The following PEX11G variants were observed in gnomAD, a reference collection of about 807,000 sequenced individuals.
PEX11G encodes peroxisomal membrane protein 11C.
In PEX11G, 20 loss-of-function variants were observed where a neutral mutation model predicts 22.5. The observed-to-expected ratio is 0.89, with a 90% CI of 0.62 to 1.29. The LOEUF is 1.29. PEX11G is among the 50% of genes most tolerant of loss of function. PEX11G has a pLI of 0.00. For synonymous variants in PEX11G, 141 were observed against 154.5 expected (o/e 0.91, Z 0.65); for missense variants, 347 against 331.3 (o/e 1.05, Z -0.37).
At chr19:7,480,713 G>A (rs1469192352) in intron 3 of PEX11G, among the ~76,000 whole-genome samples, 2 of 152,028 alleles carry the variant, frequency 1.3e-5, no homozygotes, top group Non-Finnish European at 2.9e-5. Flanking sequence ...TCAGAGCCTC[G>A]ACCAGGGACA....
intron 4 of PEX11G, among the ~76,000 whole-genome samples, chr19:7,478,035 A>G (rs963308991): frequency 6.6e-6 from 1 of 152,238 alleles, no homozygotes; most frequent in South Asian, 2.1e-4. Flanking sequence ...AAACAAAAAG[A>G]AAAAGCAACA....
At chr19:7,492,110 G>A (rs946979615), upstream of PEX11G, among the ~76,000 whole-genome samples, 6 of 152,294 alleles carry the variant, frequency 3.9e-5, no homozygotes, top group East Asian at 1.9e-4. Flanking sequence ...GCCTTTTAGC[G>A]ATCGTGAATA....
At position 7,477,403 on chromosome 19, in the gene PEX11G, C is replaced by T. The variant is rs369857427; in HGVS notation, c.525G>A (p.Glu175=). The T allele has an allele frequency of 6.7e-7, 1 of 1,501,394 alleles. No individual in the cohort carries two copies. Among genetic ancestry groups the T allele is most frequent in the South Asian group, 1.3e-5 (1 of 75,556 alleles). 93.0% of individuals were successfully genotyped at this position (1,501,394 alleles called of 1,614,324 possible). ...ACAGCGCCTCCGACTGCATCTGCGCCTCCATGGCCCTCCGCTTGCCCCGGG... is the reference window on the plus strand; with the variant it reads ...ACAGCGCCTCCGACTGCATCTGCGCTTCCATGGCCCTCCGCTTGCCCCGGG... The part of the protein sequence containing the change: ...PLPRGKRRAM[E]AQMQSEALSL... The change falls in exon 5 of 5, where the codon GAG becomes GAA. Residue 175 remains glutamate (E), a synonymous_variant. Transcript: ENST00000221480.
intron 2 of PEX11G, 69 bp downstream of exon 2, chr19:7,485,769 A>C (rs774573493): frequency 4.6e-5 from 66 of 1,420,296 alleles, no homozygotes; most frequent in Admixed American, 6.7e-5. Context: ...GTGAGGGGCC[A>C]AAAAATTTTT....
rs563610389 is a variant in PEX11G, at chr19:7,477,136, G to A, written c.*66C>T. The stretch of plus-strand genomic sequence containing the variant: ...TGAGAGCCCCGGCCCCTGCCCTGGC[G>A]GCTTCTGCTTTGCGGGAAGGGCCCT... On this transcript the variant is annotated 3_prime_UTR_variant, in exon 5 of 5. Transcript: ENST00000221480. 4.3e-3 allele frequency: 5,757 copies of A among 1,354,572 alleles called. 22 individuals are homozygous for A. Among genetic ancestry groups the A allele is most frequent in the Non-Finnish European group, 5.2e-3 (5,354 of 1,036,764 alleles). The allele number at this position is 1,354,572 out of a possible 1,614,324, so 83.9% of individuals were successfully genotyped here.
rs750791042 is a variant in PEX11G, at chr19:7,488,986, A to T, written c.25T>A (p.Ser9Thr). The change falls in exon 1 of 5, where the codon TCG becomes ACG. Residue 9 changes from serine (S) to threonine (T), a missense_variant. Transcript: ENST00000221480. ...CGGCCCCTGTACGACTCCAGCGCCG[A>T]CGCCAGGCCGCTCAGCGACGCCATG... is the stretch of plus-strand genomic sequence containing the variant. MASLSGLA[S>T]ALESYRGRDR... The T allele has an allele frequency of 2.6e-6, 4 of 1,548,322 alleles. No homozygotes were observed. Among genetic ancestry groups the T allele is most frequent in the Non-Finnish European group, 1.7e-6 (2 of 1,149,752 alleles).
Position 7,477,453 on chromosome 19 carries a change from G to A in PEX11G, c.492-17C>T. The A allele has an allele frequency of 1.4e-6, 2 of 1,415,600 alleles. No individual in the cohort carries two copies. The highest frequency in any genetic ancestry group is 1.8e-6 in the Non-Finnish European group (2 of 1,088,112). 87.7% of individuals were successfully genotyped at this position (1,415,600 alleles called of 1,614,324 possible). On this transcript the variant is annotated splice_polypyrimidine_tract_variant and intron_variant, in intron 4 of 4. Coordinates refer to ENST00000221480, the MANE Select transcript of PEX11G (RefSeq NM_080662.4). ...GGCAGCGGGCTGTGGGGCAGAGAGG[G>A]GCCGCTTACACTCACGCTCACACCT... is the stretch of plus-strand genomic sequence containing the variant.
chr19:7,488,927 G>C (rs777948818), intron 1 of PEX11G, 24 bp downstream of exon 1: 1 of 1,548,144 alleles, frequency 6.5e-7, no homozygotes, highest in Non-Finnish European at 8.7e-7. Context: ...TAGGACCTCC[G>C]GCCCCGGTCC....
In PEX11G at chr19:7,477,231, C is replaced by T. The variant is rs749552660; in HGVS notation, c.697G>A (p.Gly233Ser). The T allele has an allele frequency of 6.3e-5, 96 of 1,533,806 alleles. 1 individual carries two copies. Among genetic ancestry groups the T allele is most frequent in the South Asian group, 3.8e-4 (30 of 79,812 alleles). ...ILSMYQAARA[G>S]GQAEATTP ...GGGGTAGTGGCCTCGGCCTGGCCGCCGGCCCGGGCCGCCTGGTACATGCTG... is the reference window on the plus strand; with the variant it reads ...GGGGTAGTGGCCTCGGCCTGGCCGCTGGCCCGGGCCGCCTGGTACATGCTG... Residue 233 changes from glycine (G) to serine (S), a missense_variant, in exon 5 of 5, where the codon GGC (glycine) becomes AGC (serine). Transcript: ENST00000221480.
chr19:7,478,296 G>C lies in PEX11G; in HGVS notation c.491+18C>G. On this transcript the variant is annotated intron_variant, in intron 4 of 4. Transcript: ENST00000221480. The stretch of plus-strand genomic sequence containing the variant: ...TGGAGGGAGTGGGCCTCCCTGCTGG[G>C]TGATCACGGGCTCCTACCTGGTGAA... The C allele has an allele frequency of 6.2e-7, 1 of 1,608,538 alleles. No homozygotes were observed.
chr19:7,482,862 A>C (rs934636101), intron 2 of PEX11G, among the ~76,000 whole-genome samples: 1 of 152,192 alleles, frequency 6.6e-6, no homozygotes, highest in African/African-American at 2.4e-5. Flanking sequence ...GCTGGCCCCC[A>C]GTTCCGGCAG....
chr19:7,489,063 C>T, upstream of PEX11G: 1 of 1,452,944 alleles, frequency 6.9e-7, no homozygotes, highest in Non-Finnish European at 9.0e-7. Flanking sequence ...GGGGGCGGGG[C>T]CAGGCCGGGG....
At position 7,488,949 on chromosome 19, in the gene PEX11G, A is replaced by C. The variant is rs1403588109; in HGVS notation, c.60+2T>G. 1.5e-5 allele frequency: 24 copies of C among 1,552,030 alleles called. No individual in the cohort carries two copies. The highest frequency in any genetic ancestry group is 2.7e-5 in the African/African-American group (2 of 72,882). The stretch of plus-strand genomic sequence containing the variant: ...TCCGGCCCCGGTCCGCCCCTGCCTC[A>C]CCAGGCGGTCCCGGCCCCTGTACGA... On this transcript the variant is annotated splice_donor_variant, in intron 1 of 4. Transcript: ENST00000221480. LOFTEE classifies it high-confidence loss of function.
intron 3 of PEX11G, 87 bp from the exon 4 acceptor site, chr19:7,478,463 G>T: frequency 7.2e-7 from 1 of 1,382,746 alleles, no homozygotes; most frequent in Non-Finnish European, 1.0e-6. Context: ...TACAGTCTGG[G>T]ACAGGTGCTG....
rs34970001 is a variant in PEX11G at position 7,485,958 on chromosome 19, G to A, written c.129C>T (p.Ser43=). ...GVLVEQCPAR[S]EVGTRLLVVS... is the part of the protein sequence containing the mutation. ...CCACCAACAGACGTGTCCCCACTTC[G>A]GACCTGGCGGGACACTGTTCAACCA... Residue 43 remains serine (S), a synonymous_variant, in exon 2 of 5, where the codon TCC becomes TCT. Coordinates refer to ENST00000221480, the MANE Select transcript of PEX11G (RefSeq NM_080662.4). The A allele has an allele frequency of 0.28, 452,127 of 1,610,784 alleles. 64,098 individuals carry two copies. The highest frequency in any genetic ancestry group is 0.3 in the Middle Eastern group (1,756 of 5,838).
At position 7,489,034 on chromosome 19, in the gene PEX11G, A is replaced by T. The variant is rs148510273; in HGVS notation, c.-24T>A. The T allele has an allele frequency of 4.6e-4, 691 of 1,498,502 alleles. 5 individuals are homozygous for T. In the East Asian group the frequency reaches 0.013, roughly 28 times the overall value. The allele number at this position is 1,498,502 out of a possible 1,614,324, so 92.8% of individuals were successfully genotyped here. A position where few individuals can be genotyped will look rare whatever the true frequency, so the allele number is the denominator to read the frequency against. On this transcript the variant is annotated 5_prime_UTR_variant, in exon 1 of 5. Transcript: ENST00000221480. The stretch of plus-strand genomic sequence containing the variant: ...ATGGCAACTCCGTGACGTCACCGCG[A>T]CGTCGGCGCGCCGCGCCAGGGGGCG...
intron 2 of PEX11G, 73 bp downstream of exon 2, chr19:7,485,765 G>T: frequency 7.1e-7 from 1 of 1,406,312 alleles, no homozygotes; most frequent in Non-Finnish European, 9.6e-7. Context: ...CACTGTGAGG[G>T]GCCAAAAAAT....
chr19:7,485,341 T>C (rs926854612), intron 2 of PEX11G, among the ~76,000 whole-genome samples: 1 of 151,868 alleles, frequency 6.6e-6, no homozygotes, highest in African/African-American at 2.4e-5. Flanking sequence ...AGGCTAATTT[T>C]TGTATTATCA....
At chr19:7,492,361 T>A (rs773907045), upstream of PEX11G, among the ~76,000 whole-genome samples, 2 of 152,216 alleles carry the variant, frequency 1.3e-5, no homozygotes, top group Non-Finnish European at 2.9e-5. Context: ...GCCATCGTAG[T>A]AGGTGTGACG....
Sources: gnomAD v4.1 joint callset for allele counts (sites outside exome capture counted in the v4.1 genomes callset) on GRCh38, gnomAD v4.1.1 for gene constraint, MANE v1.5 for transcripts, NCBI Gene and HGNC (gene_info 2026-07-23, HGNC 2026-07-21) for gene names.